ATP8B1: variants seen among roughly 807,000 people sequenced by gnomAD.
ATP8B1 encodes the protein ATPase phospholipid transporting 8B1.
Under a neutral mutation model 149.9 loss-of-function variants are expected in ATP8B1, and 80 were observed. The ratio of observed to expected loss-of-function variants is 0.53; its 90% confidence interval spans 0.45 to 0.64. The LOEUF (loss-of-function observed/expected upper bound fraction) is 0.64, where lower values mean the gene tolerates loss of function less well. Among genes scored for constraint, ATP8B1 ranks in the 30% least tolerant of loss-of-function variants. The probability of loss-of-function intolerance (pLI) is 0.00; values close to 1 mark genes in which losing one functional copy is unlikely to be tolerated. For missense variants in ATP8B1, 1,247 were observed against 1,552.6 expected, an observed-to-expected ratio of 0.80 and a Z score of 3.31; for synonymous variants, 536 against 562.8, an observed-to-expected ratio of 0.95 and a Z score of 0.67.
intron 1 of ATP8B1, among the ~76,000 whole-genome samples, chr18:57,779,547 G>A (rs900852297): frequency 1.3e-5 from 2 of 152,144 alleles, no homozygotes; most frequent in Admixed American, 6.5e-5. Flanking sequence ...TAGCAACACC[G>A]AACATGGTAT....
At chr18:57,705,530 C>T (rs1913346930) in intron 3 of ATP8B1, among the ~76,000 whole-genome samples, 1 of 152,030 alleles carries the variant, frequency 6.6e-6, no homozygotes, top group Non-Finnish European at 1.5e-5. Context: ...GACTGGGGTC[C>T]CTATAAGAGG....
At chr18:57,695,119 TAA>T (rs1256721418) in intron 10 of ATP8B1, 50 bp downstream of exon 10, 2 of 1,519,180 alleles carry the variant, frequency 1.3e-6, no homozygotes, top group African/African-American at 2.8e-5. Flanking sequence ...CAATCCCCTC[TAA>T]GTCTTTAAAG....
chr18:57,661,772 T>C (rs1472119401), intron 21 of ATP8B1, among the ~76,000 whole-genome samples: 2 of 145,490 alleles, frequency 1.4e-5, no homozygotes, highest in Admixed American at 1.4e-4. Flanking sequence ...TGGAATGCAG[T>C]GGCACGATCT....
At chr18:57,696,537 T>C (rs574620194) in intron 8 of ATP8B1, among the ~76,000 whole-genome samples, 1 of 83,800 alleles carries the variant, frequency 1.2e-5, no homozygotes, top group Admixed American at 1.7e-4. Flanking sequence ...CTTTAAGTAT[T>C]TTTTTCCGCC....
chr18:57,648,584 G>T lies in ATP8B1; in HGVS notation c.3660C>A (p.Leu1220=), dbSNP rs755753899. 7.4e-6 allele frequency: 12 copies of T among 1,611,238 alleles called. No individual in the cohort carries two copies. In the South Asian group the frequency reaches 1.3e-4, roughly 18 times the overall value. ...AFSHQRGYAD[L]ISSGRSIRKK... Reference sequence around the variant, plus strand: ...TGCGGATGCTGCGCCCGGAGGAGATGAGGTCCGCGTAGCCCCGCTGGTGCG... The same window carrying T: ...TGCGGATGCTGCGCCCGGAGGAGATTAGGTCCGCGTAGCCCCGCTGGTGCG... Residue 1220 remains leucine (L), a synonymous_variant, in exon 28 of 28, where the codon CTC becomes CTA. Transcript: ENST00000648908.
chr18:57,709,932 G>A (rs550972915), intron 2 of ATP8B1, among the ~76,000 whole-genome samples: 49 of 151,560 alleles, frequency 3.2e-4, no homozygotes, highest in African/African-American at 1.1e-3. Context: ...CACCTGCCTC[G>A]ACCTCCCAAA....
intron 1 of ATP8B1, chr18:57,755,412 C>T (rs566649872): frequency 9.9e-5 from 15 of 151,980 alleles, no homozygotes; most frequent in Non-Finnish European, 1.5e-4. Flanking sequence ...TTCGGCAGCA[C>T]ATATACTAAA....
chr18:57,734,994 ATCATCTATTGCCTGATGAAC>A (rs1407510880), intron 1 of ATP8B1, among the ~76,000 whole-genome samples: 4 of 152,206 alleles, frequency 2.6e-5, no homozygotes, highest in African/African-American at 9.7e-5. Context: ...GAAATAGCCA[ATCATCTATTGCCTGATGAAC>A]TCATCTATTG....
chr18:57,672,912 AT>A (rs1568189263), intron 16 of ATP8B1, among the ~76,000 whole-genome samples: 14 of 75,514 alleles, frequency 1.9e-4, no homozygotes, highest in South Asian at 9.8e-4. Flanking sequence ...ATATATATAT[AT>A]ATATATATAT....
intron 1 of ATP8B1, among the ~76,000 whole-genome samples, chr18:57,795,284 T>C (rs2080502824): frequency 6.6e-6 from 1 of 151,812 alleles, no homozygotes; most frequent in Admixed American, 6.6e-5. Context: ...GTGTCTGTAG[T>C]CCCAGACATT....
intron 12 of ATP8B1, among the ~76,000 whole-genome samples, chr18:57,691,590 T>C (rs1304920301): frequency 6.6e-6 from 1 of 152,212 alleles, no homozygotes; most frequent in African/African-American, 2.4e-5. Flanking sequence ...CCTACCCTTA[T>C]CTGCAAACAG....
At chr18:57,749,828 A>G (rs2079998803) in intron 1 of ATP8B1, among the ~76,000 whole-genome samples, 1 of 152,340 alleles carries the variant, frequency 6.6e-6, no homozygotes, top group South Asian at 2.1e-4. Context: ...ACAATAGCAA[A>G]TCTAACTGGC....
intron 12 of ATP8B1, among the ~76,000 whole-genome samples, chr18:57,689,803 G>A (rs1912441191): frequency 6.6e-6 from 1 of 152,176 alleles, no homozygotes; most frequent in Admixed American, 6.5e-5. Flanking sequence ...GGATCATGAG[G>A]TCAGGAGTTC....
rs780186596 is a variant in ATP8B1, at chr18:57,674,855, G to A, written c.1798C>T (p.Arg600Trp). Residue 600 changes from arginine (R) to tryptophan (W), a missense_variant, in exon 16 of 28, where the codon CGG becomes TGG. This residue lies in a region of ATP8B1 where 853 missense variants were observed against 1,035.7 expected (regional missense o/e 0.82). Coordinates refer to ENST00000648908, the MANE Select transcript of ATP8B1 (RefSeq NM_001374385.1). ...VLAILDFNSD[R>W]KRMSIIVRTP... ...TTACCAATGATAGACATTCGCTTCC[G>A]GTCACTGTTGAAGTCCAAAATGGCA... The A allele has an allele frequency of 3.1e-6, 5 of 1,613,930 alleles. No homozygotes were observed. Among genetic ancestry groups the A allele is most frequent in the East Asian group, 2.2e-5 (1 of 44,890 alleles).
chr18:57,668,049 A>G (rs1185456430), intron 19 of ATP8B1: 1 of 1,252,504 alleles, frequency 8.0e-7, no homozygotes, highest in South Asian at 1.3e-5. Context: ...CAAGAAAACC[A>G]AAGTTATTGT....
chr18:57,762,840 G>T (rs1017807446), intron 1 of ATP8B1, among the ~76,000 whole-genome samples: 3 of 152,122 alleles, frequency 2.0e-5, no homozygotes, highest in African/African-American at 4.8e-5. Context: ...GAAGCAATGT[G>T]CTTCCCAAAC....
intron 14 of ATP8B1, among the ~76,000 whole-genome samples, 200 bp downstream of exon 14, chr18:57,684,872 A>T (rs1912154656): frequency 6.6e-6 from 1 of 152,176 alleles, no homozygotes; most frequent in Non-Finnish European, 1.5e-5. Context: ...CACGGGGGAC[A>T]CCACGTGACA....
intron 2 of ATP8B1, among the ~76,000 whole-genome samples, chr18:57,725,742 C>T (rs1261907799): frequency 6.6e-6 from 1 of 152,170 alleles, no homozygotes; most frequent in Non-Finnish European, 1.5e-5. Context: ...CCTTAGTAAA[C>T]TTGTTTTCAA....
At chr18:57,755,100 T>C (rs2080064428) in intron 1 of ATP8B1, among the ~76,000 whole-genome samples, 1 of 152,222 alleles carries the variant, frequency 6.6e-6, no homozygotes, top group African/African-American at 2.4e-5. Context: ...ATATCCAGTG[T>C]ATATCTTGCC....
Sources: gnomAD v4.1 joint callset for allele counts (sites outside exome capture counted in the v4.1 genomes callset) on GRCh38, gnomAD v4.1.1 for gene constraint, gnomAD v4.1.1 regional missense constraint, MANE v1.5 for transcripts, NCBI Gene and HGNC (gene_info 2026-07-23, HGNC 2026-07-21) for gene names.